The following BPTF variants were observed in gnomAD, a reference collection of about 807,000 sequenced individuals.
The protein encoded by BPTF is nucleosome-remodeling factor subunit BPTF.
In BPTF, 18 loss-of-function variants were observed where a neutral mutation model predicts 292.5. The ratio of observed to expected loss-of-function variants is 0.06; its 90% CI spans 0.04 to 0.09. BPTF has a LOEUF of 0.09. Among genes scored for constraint, BPTF ranks in the 10% least tolerant of loss-of-function variants. The pLI is 1.00. For synonymous variants in BPTF, 1,225 were observed against 1,251.9 expected, an observed-to-expected ratio of 0.98 and a Z score of 0.45; for missense variants, 2,726 against 3,498.7, an observed-to-expected ratio of 0.78 and a Z score of 5.57.
intron 18 of BPTF, among the ~76,000 whole-genome samples, chr17:67,938,946 A>G (rs1314915300): frequency 6.6e-6 from 1 of 152,236 alleles, no homozygotes. Flanking sequence ...GAGGAAATTT[A>G]GCACTGTGAT....
rs1381650024 is a variant in BPTF at position 67,959,651 on chromosome 17, C to CCCTCCAGCT, written c.8045_8046insTCCTCCAGC (p.Ala2682_Pro2684dup). ...CCCCAGTGACACCAGCTCCTCCAGC[C>CCCTCCAGCT]CCTCCAGCCCCTCCACCTTCACCTC... On this transcript the variant is annotated inframe_insertion, in exon 24 of 28. Coordinates refer to ENST00000306378, the MANE Select transcript of BPTF (RefSeq NM_182641.4). The CCCTCCAGCT allele has an allele frequency of 6.2e-7, 1 of 1,605,316 alleles. No homozygotes were observed. Among genetic ancestry groups the CCCTCCAGCT allele is most frequent in the Non-Finnish European group, 8.5e-7 (1 of 1,176,480 alleles).
chr17:67,881,592 C>T (rs1314820881), intron 4 of BPTF, among the ~76,000 whole-genome samples: 2 of 150,434 alleles, frequency 1.3e-5, no homozygotes, highest in Non-Finnish European at 1.5e-5. Flanking sequence ...CAACCTCCGC[C>T]TCCCAGGTTC....
chr17:67,947,853 T>C, intron 22 of BPTF, 45 bp downstream of exon 22: 1 of 1,510,924 alleles, frequency 6.6e-7, no homozygotes, highest in Non-Finnish European at 9.0e-7. Flanking sequence ...CTCTTCTCTT[T>C]ATCGTGCACA....
At chr17:67,899,567 G>A (rs1209431329) in intron 7 of BPTF, among the ~76,000 whole-genome samples, 1 of 122,928 alleles carries the variant, frequency 8.1e-6, no homozygotes, top group African/African-American at 3.3e-5. Flanking sequence ...AATCTTGTTT[G>A]TCGCTCAGGC....
chr17:67,905,921 G>A (rs1261367485), intron 9 of BPTF, among the ~76,000 whole-genome samples: 1 of 151,866 alleles, frequency 6.6e-6, no homozygotes, highest in Non-Finnish European at 1.5e-5. Context: ...GGAGGTTGGG[G>A]GATAGCATTA....
intron 1 of BPTF, among the ~76,000 whole-genome samples, chr17:67,848,168 A>C (rs2058165525): frequency 7.7e-6 from 1 of 129,962 alleles, no homozygotes; most frequent in Non-Finnish European, 1.5e-5. Context: ...AACACTGTAA[A>C]TTCTTTTTTT....
At chr17:67,948,881 T>A (rs1293045529) in intron 23 of BPTF, among the ~76,000 whole-genome samples, 1 of 152,200 alleles carries the variant, frequency 6.6e-6, no homozygotes, top group East Asian at 1.9e-4. Context: ...CTCGAGAGGC[T>A]GAGGCAGGAG....
intron 26 of BPTF, 76 bp downstream of exon 26, chr17:67,966,732 A>G (rs2068139580): frequency 7.9e-7 from 1 of 1,258,804 alleles, no homozygotes; most frequent in South Asian, 1.8e-5. Flanking sequence ...TTAATATCTT[A>G]GAATATTTTT....
At chr17:67,934,715 T>C (rs1405962997) in intron 18 of BPTF, among the ~76,000 whole-genome samples, 1 of 150,618 alleles carries the variant, frequency 6.6e-6, no homozygotes, top group Non-Finnish European at 1.5e-5. Flanking sequence ...GTACTAAAAA[T>C]ATAAAAATTA....
In BPTF at chr17:67,911,014, G is replaced by A. The variant is rs768023890; in HGVS notation, c.3130G>A (p.Gly1044Ser). The A allele has an allele frequency of 1.2e-6, 2 of 1,613,488 alleles. No homozygotes were observed. Among genetic ancestry groups the A allele is most frequent in the Non-Finnish European group, 1.7e-6 (2 of 1,179,754 alleles). Residue 1044 changes from glycine (G) to serine (S), a missense_variant, in exon 11 of 28, where the codon GGT (glycine) becomes AGT (serine). Physicochemically the swap from Gly to Ser is moderately conservative, Grantham distance 56 (BLOSUM62 0). Around this residue, in one of 22 missense-constraint regions of BPTF, gnomAD observed 713 missense variants for 714.9 expected, o/e 1.00. Coordinates refer to ENST00000306378, the MANE Select transcript of BPTF (RefSeq NM_182641.4). ...AGTAGATGTGGTCAATGTTAGTGAGGGTTTTCATCTAAGGACTAGTTACAA... is the reference window on the plus strand; with the variant it reads ...AGTAGATGTGGTCAATGTTAGTGAGAGTTTTCATCTAAGGACTAGTTACAA... ...SQVDVVNVSE[G>S]FHLRTSYKKK... is the part of the protein sequence containing the mutation.
intron 7 of BPTF, among the ~76,000 whole-genome samples, chr17:67,903,445 G>A (rs1311157969): frequency 6.6e-6 from 1 of 152,154 alleles, no homozygotes; most frequent in Non-Finnish European, 1.5e-5. Flanking sequence ...TAAAAACTGT[G>A]GTTGTGTGTG....
intron 4 of BPTF, chr17:67,886,208 A>T (rs2060739054): frequency 6.2e-7 from 1 of 1,613,974 alleles, no homozygotes; most frequent in African/African-American, 1.3e-5. Flanking sequence ...AAACAGTAAC[A>T]GCAGCAGTGA....
intron 18 of BPTF, among the ~76,000 whole-genome samples, chr17:67,937,668 TGGATCTCA>T (rs1335470597): frequency 6.8e-6 from 1 of 147,080 alleles, no homozygotes; most frequent in Non-Finnish European, 1.5e-5. Flanking sequence ...GGGTAGCCAG[TGGATCTCA>T]GGGGGACCCA....
At chr17:67,981,984 AATATATAT>A (rs35063149) in intron 27 of BPTF, 6,281 of 137,884 alleles carry the variant, frequency 0.046, 217 homozygotes, top group East Asian at 0.14. Context: ...TTATTAGACA[AATATATAT>A]ATATATATAT....
chr17:67,982,555 AAAAAAGAAAAAG>A lies in BPTF; in HGVS notation c.*271_*282del, dbSNP rs1221427971. ...AGCGAGAAAACTTTGTTTATTGAAA[AAAAAAGAAAAAG>A]AAAGCAAGAAAAAAAGATACTATGG... On this transcript the variant is annotated 3_prime_UTR_variant, in exon 28 of 28. Coordinates refer to ENST00000306378, the MANE Select transcript of BPTF (RefSeq NM_182641.4). 5 of 339,704 alleles carry A rather than the reference AAAAAAGAAAAAG, an allele frequency of 1.5e-5. No homozygotes were observed. Among genetic ancestry groups the A allele is most frequent in the Non-Finnish European group, 2.7e-5 (5 of 186,984 alleles). 21.0% of individuals were successfully genotyped at this position (339,704 alleles called of 1,614,324 possible).
chr17:67,946,141 G>A lies in BPTF; in HGVS notation c.7433G>A (p.Ser2478Asn), dbSNP rs201069853. The change falls in exon 21 of 28, where the codon AGC becomes AAC. Residue 2478 changes from serine (S) to asparagine (N), a missense_variant. Ser to Asn is a conservative substitution (Grantham distance 46). Coordinates refer to ENST00000306378, the MANE Select transcript of BPTF (RefSeq NM_182641.4). ...KLQLPIQIQQ[S>N]SAVQTHQIQN... ...CAGTTACCTATCCAAATTCAGCAAA[G>A]CAGTGCTGTGCAGACTCACCAGATT... 1.4e-5 allele frequency: 23 copies of A among 1,614,198 alleles called. No individual in the cohort carries two copies. In the Admixed American group the frequency reaches 2.3e-4, roughly 16 times the overall value.
At chr17:67,907,995 T>C (rs2062353714) in intron 9 of BPTF, among the ~76,000 whole-genome samples, 1 of 152,174 alleles carries the variant, frequency 6.6e-6, no homozygotes. Context: ...TTGAAATAGA[T>C]TACAAAAGTT....
intron 1 of BPTF, among the ~76,000 whole-genome samples, chr17:67,841,075 C>G (rs1319262790): frequency 6.6e-6 from 1 of 152,214 alleles, no homozygotes. Context: ...TCTAACAACT[C>G]TCCCTAATCC....
Position 67,959,719 on chromosome 17 carries a change from C to G in BPTF, c.8105C>G (p.Pro2702Arg), listed in dbSNP as rs781952150. 1.2e-6 allele frequency: 2 copies of G among 1,610,206 alleles called. No homozygotes were observed. The highest frequency in any genetic ancestry group is 1.7e-6 in the Non-Finnish European group (2 of 1,179,194). ...CAACACACAGGCCTTCTGTCCACGC[C>G]CACCTTACCTGCTGCTTCCCAGAAG... ...AVQHTGLLSTPTLPAASQKRK... is the reference protein window; with the variant it reads ...AVQHTGLLSTRTLPAASQKRK... The change falls in exon 24 of 28, where the codon CCC (proline) becomes CGC (arginine). Residue 2702 changes from proline to arginine, a missense_variant. Physicochemically the swap from Pro to Arg is moderately radical, Grantham distance 103 (BLOSUM62 -2). Transcript: ENST00000306378.
Sources: allele counts gnomAD v4.1 joint callset (sites outside exome capture counted in the v4.1 genomes callset), GRCh38; gene constraint gnomAD v4.1.1; regional missense constraint gnomAD v4.1.1; transcripts MANE v1.5; gene names NCBI Gene and HGNC (gene_info 2026-07-23, HGNC 2026-07-21).